Variants in INPP5D observed in about 807,000 individuals in gnomAD.
INPP5D encodes the protein phosphatidylinositol 3,4,5-trisphosphate 5-phosphatase 1.
Under a neutral mutation model 122.9 loss-of-function variants are expected in INPP5D, and 33 were observed. The ratio of observed to expected loss-of-function variants is 0.27; its 90% CI spans 0.20 to 0.36. INPP5D has a LOEUF of 0.36. Ranked by LOEUF, INPP5D falls within the 10% of genes least tolerant of loss-of-function variation. INPP5D has a pLI of 1.00. For synonymous variants in INPP5D, 584 were observed against 576.2 expected, an observed-to-expected ratio of 1.01 and a Z score of -0.19; for missense variants, 1,053 against 1,412.7, an observed-to-expected ratio of 0.75 and a Z score of 4.08.
chr2:233,085,409 C>T (rs573396067), intron 2 of INPP5D, among the ~76,000 whole-genome samples: 8 of 151,684 alleles, frequency 5.3e-5, no homozygotes, highest in East Asian at 1.9e-4. Context: ...AAGAATGTAG[C>T]GTTATGAATA....
intron 25 of INPP5D, among the ~76,000 whole-genome samples, chr2:233,200,581 T>G (rs1225823311): frequency 1.3e-5 from 2 of 152,198 alleles, no homozygotes; most frequent in Non-Finnish European, 2.9e-5. Flanking sequence ...GTTCCACCCT[T>G]CCCAGGCCTG....
intron 14 of INPP5D, 119 bp from the exon 15 acceptor site, chr2:233,169,907 C>T: frequency 6.5e-7 from 1 of 1,547,514 alleles, no homozygotes; most frequent in Non-Finnish European, 8.8e-7. Context: ...AGGGCTAAGT[C>T]TCACTTCCCC....
chr2:233,164,029 A>T lies in INPP5D; in HGVS notation c.1437+126A>T. ...TTTTCAAGGATGTCTGGAGGCCCCC[A>T]CTGAGAGATGCGTCTGTATTCAGAA... is the stretch of plus-strand genomic sequence containing the variant. On this transcript the variant is annotated intron_variant, in intron 12 of 26. Transcript: ENST00000445964. The surrounding 1 kb of genome is among the most constrained non-coding windows in gnomAD (Gnocchi z 4.3). The T allele has an allele frequency of 2.8e-6, 4 of 1,443,558 alleles. No homozygotes were observed. The highest frequency in any genetic ancestry group is 1.4e-5 in the African/African-American group (1 of 69,780). 89.4% of individuals were successfully genotyped at this position (1,443,558 alleles called of 1,614,324 possible).
chr2:233,169,719 G>T (rs1255438870), intron 14 of INPP5D: 5 of 578,380 alleles, frequency 8.6e-6, no homozygotes, highest in Non-Finnish European at 1.5e-5. Context: ...ATCTTGCCTA[G>T]CTGGGGCCCA....
chr2:233,097,378 T>C (rs565640913), intron 2 of INPP5D, among the ~76,000 whole-genome samples: 1 of 152,342 alleles, frequency 6.6e-6, no homozygotes, highest in African/African-American at 2.4e-5. Context: ...AAATCCCAGT[T>C]AGAATTTTGT....
chr2:233,145,216 T>G (rs1043117796), intron 6 of INPP5D: 1 of 456,214 alleles, frequency 2.2e-6, no homozygotes, highest in Admixed American at 2.3e-5. Flanking sequence ...CATGAGACCA[T>G]GTACTTGGCA....
intron 11 of INPP5D, among the ~76,000 whole-genome samples, chr2:233,163,360 G>T (rs1420473035): frequency 6.6e-6 from 1 of 152,170 alleles, no homozygotes; most frequent in Non-Finnish European, 1.5e-5. Flanking sequence ...AGTTCCCTTG[G>T]CTGTCTTGAG....
At position 233,125,929 on chromosome 2, in the gene INPP5D, C is replaced by A; in HGVS notation, c.524+10C>A. On this transcript the variant is annotated intron_variant, in intron 4 of 26. Transcript: ENST00000445964. ...GCATGGACACCAGTGGGTGAGTCCCCACTCAAGTCCAGCTGGGCCTTCATC... is the reference window on the plus strand; with the variant it reads ...GCATGGACACCAGTGGGTGAGTCCCAACTCAAGTCCAGCTGGGCCTTCATC... The A allele has an allele frequency of 6.2e-7, 1 of 1,610,492 alleles. No homozygotes were observed.
chr2:233,125,327 C>A (rs1054738547), intron 3 of INPP5D, among the ~76,000 whole-genome samples: 8 of 152,222 alleles, frequency 5.3e-5, no homozygotes, highest in African/African-American at 1.9e-4. Flanking sequence ...TGGTCCCCTT[C>A]CATGGTTTTG....
chr2:233,146,058 G>A (rs998087476), intron 6 of INPP5D, 104 bp from the exon 7 acceptor site: 104 of 703,364 alleles, frequency 1.5e-4, no homozygotes, highest in Non-Finnish European at 2.1e-4. Flanking sequence ...GTGGGGCTGC[G>A]GGGAGGCTGG....
chr2:233,176,580 GTGGGTT>G lies in INPP5D; in HGVS notation c.1990-684_1990-679del, dbSNP rs1218232417. ...GAGGATGATAATGGATTGATGATGT[GTGGGTT>G]GGTGGAGGATGATAAATGATGATAG... is the stretch of plus-strand genomic sequence containing the variant. On this transcript the variant is annotated intron_variant, in intron 17 of 26. Transcript: ENST00000445964. Among the ~76,000 whole-genome samples, 3 of 2,080 alleles carry G rather than the reference GTGGGTT, an allele frequency of 1.4e-3. 1 individual carries two copies. Among genetic ancestry groups the G allele is most frequent in the Non-Finnish European group, 2.4e-3 (3 of 1,266 alleles). 1.4% of individuals were successfully genotyped at this position (2,080 alleles called of 152,430 possible).
At chr2:233,198,782 C>G (rs1177897671) in intron 25 of INPP5D, among the ~76,000 whole-genome samples, 1 of 151,452 alleles carries the variant, frequency 6.6e-6, no homozygotes, top group Non-Finnish European at 1.5e-5. Flanking sequence ...AAAACCCCAT[C>G]TCTACTAAAA....
At chr2:233,086,673 A>C (rs1691860957) in intron 2 of INPP5D, among the ~76,000 whole-genome samples, 1 of 152,146 alleles carries the variant, frequency 6.6e-6, no homozygotes, top group Non-Finnish European at 1.5e-5. Context: ...GCCCTCCTCT[A>C]GATTTTCTGT....
intron 1 of INPP5D, among the ~76,000 whole-genome samples, chr2:233,066,517 T>G (rs1278376742): frequency 6.6e-6 from 1 of 152,238 alleles, no homozygotes. Flanking sequence ...GGAATGAGGA[T>G]GACAAGGCCA....
intron 2 of INPP5D, among the ~76,000 whole-genome samples, chr2:233,098,833 G>A (rs1475028265): frequency 2.0e-5 from 3 of 152,150 alleles, no homozygotes; most frequent in African/African-American, 7.2e-5. Context: ...TGGCACCAGG[G>A]GGCGCCCATT....
rs769891270 is a variant in INPP5D at position 233,204,280 on chromosome 2, C to T, written c.3130C>T (p.Arg1044Trp). The T allele has an allele frequency of 1.6e-5, 26 of 1,613,316 alleles. No individual in the cohort carries two copies. The highest frequency in any genetic ancestry group is 4.5e-5 in the East Asian group (2 of 44,886). ...GGACCAGGAATCCCCCAAAATGCCGCGGAAGGAACCCCCGCCCTGCCCGGA... is the reference window on the plus strand; with the variant it reads ...GGACCAGGAATCCCCCAAAATGCCGTGGAAGGAACCCCCGCCCTGCCCGGA... ...RKDQESPKMP[R>W]KEPPPCPEPG... The change falls in exon 26 of 27, where the codon CGG becomes TGG. Residue 1044 changes from arginine (R) to tryptophan (W), a missense_variant. Arg to Trp is a moderately radical substitution (Grantham distance 101). Around this residue, in one of 6 missense-constraint regions of INPP5D, gnomAD observed 417 missense variants for 425.8 expected, o/e 0.98. Coordinates refer to ENST00000445964, the MANE Select transcript of INPP5D (RefSeq NM_001017915.3).
chr2:233,125,642 A>T (rs1005416439), intron 3 of INPP5D, 103 bp from the exon 4 acceptor site: 12 of 1,002,556 alleles, frequency 1.2e-5, no homozygotes, highest in Admixed American at 1.1e-4. Flanking sequence ...GCAGATGGAG[A>T]TCAATAACGT....
chr2:233,182,599 G>A (rs1443862205), intron 19 of INPP5D, 100 bp downstream of exon 19: 1 of 1,537,184 alleles, frequency 6.5e-7, no homozygotes, highest in Non-Finnish European at 8.8e-7. Flanking sequence ...TTAGAGGAAG[G>A]CTCATTTTCC....
chr2:233,075,884 A>C (rs1389747940), intron 1 of INPP5D, among the ~76,000 whole-genome samples: 1 of 152,064 alleles, frequency 6.6e-6, no homozygotes, highest in African/African-American at 2.4e-5. Context: ...ATCTGCTGAG[A>C]TGTTACTGTC....
Sources: gnomAD v4.1 joint callset for allele counts (sites outside exome capture counted in the v4.1 genomes callset) on GRCh38, gnomAD v4.1.1 for gene constraint, gnomAD v4.1.1 regional missense constraint, Gnocchi (gnomAD v3.1) non-coding constraint, MANE v1.5 for transcripts, NCBI Gene and HGNC (gene_info 2026-07-23, HGNC 2026-07-21) for gene names.